SCN2B: variants seen among roughly 807,000 people sequenced by gnomAD.
SCN2B encodes the protein sodium channel regulatory subunit beta-2.
Under a neutral mutation model 18.2 loss-of-function variants are expected in SCN2B, and 14 were observed. That is an observed-to-expected ratio of 0.77 (90% CI 0.51 to 1.21). SCN2B has a LOEUF of 1.21. Ranked by LOEUF, SCN2B falls within the 50% of genes most tolerant of loss-of-function variation. SCN2B has a pLI of 0.00. For synonymous variants in SCN2B, 115 were observed against 115.3 expected (o/e 1.00, Z 0.02); for missense variants, 262 against 286.9 (o/e 0.91, Z 0.63).
Position 118,168,901 on chromosome 11 carries a change from G to A in SCN2B, c.71-150C>T, listed in dbSNP as rs1315054832. 2 of 833,928 alleles carry A rather than the reference G, an allele frequency of 2.4e-6. No individual in the cohort carries two copies. Among genetic ancestry groups the A allele is most frequent in the Non-Finnish European group, 4.0e-6 (2 of 494,570 alleles). The allele number at this position is 833,928 out of a possible 1,614,324, so 51.7% of individuals were successfully genotyped here. A position where few individuals can be genotyped will look rare whatever the true frequency, so the allele number is the denominator to read the frequency against. On this transcript the variant is annotated intron_variant, in intron 1 of 3. Transcript: ENST00000278947. This position sits in a 1 kb window ranked among gnomAD's most constrained non-coding sequence, Gnocchi z 4.7. ...TGACAGCTCCAGTTAATCAGGAGGT[G>A]GGAGTTACTGTTATTTGCAACAGGG...
rs370061828 is a variant in SCN2B, at chr11:118,166,747, A to C, written c.*140T>G. The stretch of plus-strand genomic sequence containing the variant: ...TCTTGGTGCAGGGTGGGAGATACGA[A>C]GTCGGGGGTTCAGGAGGCCCCAGGT... On this transcript the variant is annotated 3_prime_UTR_variant, in exon 4 of 4. Transcript: ENST00000278947. 4.1e-5 allele frequency: 37 copies of C among 898,202 alleles called. No individual in the cohort carries two copies. The East Asian group carries it at 9.0e-4, about 22-fold the overall frequency. 55.6% of individuals were successfully genotyped at this position (898,202 alleles called of 1,614,324 possible). A position where few individuals can be genotyped will look rare whatever the true frequency, so the allele number is the denominator to read the frequency against.
Position 118,176,050 on chromosome 11 carries a change from T to C in SCN2B, c.70+312A>G, listed in dbSNP as rs564923635. On this transcript the variant is annotated intron_variant, in intron 1 of 3. Transcript: ENST00000278947. ...TCCAAAAAATAATCCCTGAAGAGACTGCAGGTCAATCCACTCTCTGCCCCA... is the reference window on the plus strand; with the variant it reads ...TCCAAAAAATAATCCCTGAAGAGACCGCAGGTCAATCCACTCTCTGCCCCA... Among the ~76,000 whole-genome samples the C allele has an allele frequency of 1.3e-4, 20 of 152,304 alleles. No individual in the cohort carries two copies. The South Asian group carries it at 3.9e-3, about 30-fold the overall frequency.
Position 118,165,433 on chromosome 11 carries a change from T to C in SCN2B, c.*1454A>G, listed in dbSNP as rs1459560619. 1 of 152,236 alleles carries C rather than the reference T, an allele frequency of 6.6e-6. No individual in the cohort carries two copies. Among genetic ancestry groups the C allele is most frequent in the Non-Finnish European group, 1.5e-5 (1 of 68,052 alleles). 9.4% of individuals were successfully genotyped at this position (152,236 alleles called of 1,614,324 possible). A position where few individuals can be genotyped will look rare whatever the true frequency, so the allele number is the denominator to read the frequency against. The stretch of plus-strand genomic sequence containing the variant: ...CAATTTCCATTGAATGTGAGTGTAA[T>C]GGCAGTGATGGTTGGCTCCGCACAA... On this transcript the variant is annotated 3_prime_UTR_variant, in exon 4 of 4. Coordinates refer to ENST00000278947, the MANE Select transcript of SCN2B (RefSeq NM_004588.5).
In SCN2B at chr11:118,164,359, A is replaced by T. The variant is rs1474103029; in HGVS notation, c.*2528T>A. The T allele has an allele frequency of 1.3e-5, 2 of 152,678 alleles. No individual in the cohort carries two copies. The highest frequency in any genetic ancestry group is 2.9e-5 in the Non-Finnish European group (2 of 68,036). 9.5% of individuals were successfully genotyped at this position (152,678 alleles called of 1,614,324 possible). ...GCCCGCCACCCACCTCTCTGCCCCC[A>T]GCTGGCTGGCTCAAGGATGGGCAGC... On this transcript the variant is annotated 3_prime_UTR_variant, in exon 4 of 4. Coordinates refer to ENST00000278947, the MANE Select transcript of SCN2B (RefSeq NM_004588.5).
rs773232980 is a variant in SCN2B, at chr11:118,166,953, A to C, written c.582T>G (p.Asp194Glu). ...RRKKEQKLSTDDLKTEEEGKT... is the reference protein window; with the variant it reads ...RRKKEQKLSTEDLKTEEEGKT... ...TGCCCTCCTCCTCGGTCTTCAGGTC[A>C]TCTGTGCTCAGCTTCTGCTCTTTTT... Residue 194 changes from aspartate to glutamate, a missense_variant, in exon 4 of 4, where the codon GAT becomes GAG. By Grantham distance (45) the Asp-to-Glu change is conservative. Coordinates refer to ENST00000278947, the MANE Select transcript of SCN2B (RefSeq NM_004588.5). 6.2e-7 allele frequency: 1 copy of C among 1,614,134 alleles called. No individual in the cohort carries two copies. The highest frequency in any genetic ancestry group is 1.7e-5 in the Admixed American group (1 of 60,028).
At position 118,168,670 on chromosome 11, in the gene SCN2B, G is replaced by A. The variant is rs765542447; in HGVS notation, c.152C>T (p.Thr51Ile). ...LNGSDARLPC[T>I]FNSCYTVNHK... Reference sequence around the variant, plus strand: ...GTTCACTGTGTAGCAGGAGTTGAAGGTGCAGGGCAGGCGGGCGTCAGAGCC... The same window carrying A: ...GTTCACTGTGTAGCAGGAGTTGAAGATGCAGGGCAGGCGGGCGTCAGAGCC... The change falls in exon 2 of 4, where the codon ACC (threonine) becomes ATC (isoleucine). Residue 51 changes from threonine (T) to isoleucine (I), a missense_variant. Coordinates refer to ENST00000278947, the MANE Select transcript of SCN2B (RefSeq NM_004588.5). The surrounding 1 kb of genome is among the most constrained non-coding windows in gnomAD (Gnocchi z 4.7). 2.0e-5 allele frequency: 33 copies of A among 1,614,244 alleles called. No individual in the cohort carries two copies. Among genetic ancestry groups the A allele is most frequent in the Non-Finnish European group, 2.8e-5 (33 of 1,180,038 alleles).
chr11:118,175,191 A>C (rs1948459811), intron 1 of SCN2B, among the ~76,000 whole-genome samples: 1 of 152,190 alleles, frequency 6.6e-6, no homozygotes, highest in Non-Finnish European at 1.5e-5. Flanking sequence ...CCAAATCACA[A>C]ACACGTCAGG....
At position 118,166,925 on chromosome 11, in the gene SCN2B, T is replaced by A; in HGVS notation, c.610A>T (p.Thr204Ser). Residue 204 changes from threonine (T) to serine (S), a missense_variant, in exon 4 of 4, where the codon ACG becomes TCG. Thr to Ser is a moderately conservative substitution (Grantham distance 58, BLOSUM62 1). Transcript: ENST00000278947. Reference sequence around the variant, plus strand: ...TCATCCGGGTTGCCTTCACCGTCCGTCTTGCCCTCCTCCTCGGTCTTCAGG... The same window carrying A: ...TCATCCGGGTTGCCTTCACCGTCCGACTTGCCCTCCTCCTCGGTCTTCAGG... Reference protein sequence around the residue: ...DDLKTEEEGKTDGEGNPDDGA... With the variant: ...DDLKTEEEGKSDGEGNPDDGA... 1 of 1,614,122 alleles carries A rather than the reference T, an allele frequency of 6.2e-7. No individual in the cohort carries two copies. The highest frequency in any genetic ancestry group is 8.5e-7 in the Non-Finnish European group (1 of 1,180,018).
At position 118,168,516 on chromosome 11, in the gene SCN2B, G is replaced by A; in HGVS notation, c.237+69C>T. 6.3e-7 allele frequency: 1 copy of A among 1,599,210 alleles called. No homozygotes were observed. Among genetic ancestry groups the A allele is most frequent in the East Asian group, 2.2e-5 (1 of 44,800 alleles). ...CTAGCGCAGTGCCGGGGCCGGTGGT[G>A]GGACCAGGGGCTTCATGCCATGGGG... is the stretch of plus-strand genomic sequence containing the variant. On this transcript the variant is annotated intron_variant, in intron 2 of 3. Coordinates refer to ENST00000278947, the MANE Select transcript of SCN2B (RefSeq NM_004588.5). This position sits in a 1 kb window ranked among gnomAD's most constrained non-coding sequence, Gnocchi z 4.7.
At chr11:118,169,243 C>T (rs1948411144) in intron 1 of SCN2B, among the ~76,000 whole-genome samples, 2 of 152,302 alleles carry the variant, frequency 1.3e-5, no homozygotes, top group East Asian at 1.9e-4. Flanking sequence ...GCCAAACGGC[C>T]TCAAGCCTTT....
Position 118,168,402 on chromosome 11 carries a change from C to T in SCN2B, c.238-107G>A. 3 of 1,286,492 alleles carry T rather than the reference C, an allele frequency of 2.3e-6. No homozygotes were observed. The East Asian group carries it at 6.9e-5, about 30-fold the overall frequency. 79.7% of individuals were successfully genotyped at this position (1,286,492 alleles called of 1,614,324 possible). ...CCACCCTTTTCCTGGGGAAGAGAGG[C>T]AGTTACCTCTGTGAGGCACCTGGAT... On this transcript the variant is annotated intron_variant, in intron 2 of 3. Transcript: ENST00000278947. This position sits in a 1 kb window ranked among gnomAD's most constrained non-coding sequence, Gnocchi z 4.7.
At position 118,168,301 on chromosome 11, in the gene SCN2B, G is replaced by C; in HGVS notation, c.238-6C>G. ...TTCATGCGGAACTGGAGGAACTGGG[G>C]TTGGAGCAAGGGACAGGATGGGTGG... On this transcript the variant is annotated splice_region_variant and splice_polypyrimidine_tract_variant and intron_variant, in intron 2 of 3. Transcript: ENST00000278947. The surrounding 1 kb of genome is among the most constrained non-coding windows in gnomAD (Gnocchi z 4.7). 6.2e-7 allele frequency: 1 copy of C among 1,613,738 alleles called. No individual in the cohort carries two copies. Among genetic ancestry groups the C allele is most frequent in the South Asian group, 1.1e-5 (1 of 91,020 alleles).
In SCN2B at chr11:118,168,585, C is replaced by G. The variant is rs142643516; in HGVS notation, c.237G>C (p.Met79Ile). ...CCCCTGCCTTCAGCCCAGGACTCAC[C>G]ATCTCCTCAGAGCAGTTGTTGCACT... Reference protein sequence around the residue: ...YQECNNCSEEMFLQFRMKIIN... With the variant: ...YQECNNCSEEIFLQFRMKIIN... Residue 79 changes from methionine to isoleucine, a missense_variant and splice_region_variant, in exon 2 of 4, where the codon ATG (methionine) becomes ATC (isoleucine). By Grantham distance (10) the Met-to-Ile change is conservative. Transcript: ENST00000278947. The surrounding 1 kb of genome is among the most constrained non-coding windows in gnomAD (Gnocchi z 4.7). 1.1e-5 allele frequency: 18 copies of G among 1,614,076 alleles called. No homozygotes were observed. The highest frequency in any genetic ancestry group is 1.5e-5 in the Non-Finnish European group (18 of 1,180,036).
intron 1 of SCN2B, among the ~76,000 whole-genome samples, chr11:118,169,310 A>G (rs1043650385): frequency 6.6e-6 from 1 of 152,180 alleles, no homozygotes; most frequent in African/African-American, 2.4e-5. Context: ...GTTCTGTCAC[A>G]TGCCAGCAGA....
At chr11:118,173,163 C>T (rs1421086376) in intron 1 of SCN2B, among the ~76,000 whole-genome samples, 2 of 152,182 alleles carry the variant, frequency 1.3e-5, no homozygotes, top group Non-Finnish European at 1.5e-5. Context: ...GGCACAGCTT[C>T]CAAGCCCTTT....
intron 1 of SCN2B, among the ~76,000 whole-genome samples, chr11:118,175,919 G>A (rs1430384799): frequency 1.3e-5 from 2 of 152,060 alleles, no homozygotes; most frequent in African/African-American, 4.8e-5. Flanking sequence ...TCTGCCACCA[G>A]CTCCCCTGCA....
In SCN2B at chr11:118,167,059, G is replaced by A; in HGVS notation, c.476C>T (p.Ala159Val). Reference protein sequence around the residue: ...EEPPERDSTVAVIVGASVGGF... With the variant: ...EEPPERDSTVVVIVGASVGGF... ...CCCGACGGAGGCACCCACAATCACG[G>A]CCACCGTGGAGTCCCGCTCAGGGGG... Residue 159 changes from alanine to valine, a missense_variant, in exon 4 of 4, where the codon GCC becomes GTC. Ala to Val is a moderately conservative substitution (Grantham distance 64). Coordinates refer to ENST00000278947, the MANE Select transcript of SCN2B (RefSeq NM_004588.5). 1 of 1,613,058 alleles carries A rather than the reference G, an allele frequency of 6.2e-7. No individual in the cohort carries two copies. The highest frequency in any genetic ancestry group is 8.5e-7 in the Non-Finnish European group (1 of 1,180,032).
chr11:118,168,957 G>A lies in SCN2B; in HGVS notation c.71-206C>T, dbSNP rs147112376. On this transcript the variant is annotated intron_variant, in intron 1 of 3. Transcript: ENST00000278947. This position sits in a 1 kb window ranked among gnomAD's most constrained non-coding sequence, Gnocchi z 4.7. ...GTTGCCCAAGCTGGAGTGCAGTGGCGCAATCATGACTCACTGCAGCCTAGA... is the reference window on the plus strand; with the variant it reads ...GTTGCCCAAGCTGGAGTGCAGTGGCACAATCATGACTCACTGCAGCCTAGA... 8.1e-4 allele frequency among the ~76,000 whole-genome samples: 123 copies of A among 152,194 alleles called. No homozygotes were observed. Among genetic ancestry groups the A allele is most frequent in the African/African-American group, 2.6e-3 (110 of 41,538 alleles).
intron 1 of SCN2B, among the ~76,000 whole-genome samples, chr11:118,170,600 C>T (rs562755193): frequency 6.6e-6 from 1 of 152,204 alleles, no homozygotes; most frequent in Admixed American, 6.5e-5. Context: ...TGCTGGGAGG[C>T]TGTCCAGATG....
Sources: allele counts gnomAD v4.1 joint callset (sites outside exome capture counted in the v4.1 genomes callset), GRCh38; gene constraint gnomAD v4.1.1; non-coding constraint Gnocchi (gnomAD v3.1); transcripts MANE v1.5; gene names NCBI Gene and HGNC (gene_info 2026-07-23, HGNC 2026-07-21).